Variants in ZC3H3 observed in about 807,000 individuals in gnomAD.
The protein encoded by ZC3H3 is zinc finger CCCH-type containing 3.
In ZC3H3, 36 loss-of-function variants were observed where a neutral mutation model predicts 77.3. The observed-to-expected ratio is 0.47, with a 90% CI of 0.36 to 0.61. The LOEUF (loss-of-function observed/expected upper bound fraction) is 0.61, where lower values mean the gene tolerates loss of function less well. Among genes scored for constraint, ZC3H3 ranks in the 20% least tolerant of loss-of-function variants. ZC3H3 has a pLI of 0.00. For synonymous variants in ZC3H3, 626 were observed against 555.2 expected (o/e 1.13, Z -1.79); for missense variants, 1,331 against 1,312.2 (o/e 1.01, Z -0.22).
chr8:143,523,505 C>T lies in ZC3H3; in HGVS notation c.1561+12752G>A, dbSNP rs181393808. On this transcript the variant is annotated intron_variant, in intron 3 of 11. Coordinates refer to ENST00000262577, the MANE Select transcript of ZC3H3 (RefSeq NM_015117.3). The stretch of plus-strand genomic sequence containing the variant: ...TGCAAGCTCCATGTGGCCCTACAGA[C>T]GGAAGCCACCTCAGGACAACTGCCA... 6.7e-5 allele frequency: 66 copies of T among 985,404 alleles called. 1 individual carries two copies. Among genetic ancestry groups the T allele is most frequent in the Middle Eastern group, 1.0e-3 (2 of 1,914 alleles). The allele number at this position is 985,404 out of a possible 1,614,324, so 61.0% of individuals were successfully genotyped here. A position where few individuals can be genotyped will look rare whatever the true frequency, so the allele number is the denominator to read the frequency against.
chr8:143,537,565 C>T (rs1002783749), intron 2 of ZC3H3, among the ~76,000 whole-genome samples: 7 of 152,232 alleles, frequency 4.6e-5, no homozygotes, highest in Non-Finnish European at 7.4e-5. Flanking sequence ...AGCACAGACC[C>T]GTGGCCGGCA....
chr8:143,518,403 C>T (rs888487275), intron 3 of ZC3H3, among the ~76,000 whole-genome samples: 1 of 152,264 alleles, frequency 6.6e-6, no homozygotes, highest in Non-Finnish European at 1.5e-5. Flanking sequence ...GAATCCTCTT[C>T]TGCTTCCTCT....
intron 3 of ZC3H3, among the ~76,000 whole-genome samples, chr8:143,510,839 C>T (rs755495584): frequency 1.4e-4 from 22 of 152,094 alleles, no homozygotes; most frequent in Non-Finnish European, 2.6e-4. Flanking sequence ...TTTTTTTTCT[C>T]CACGTGATGC....
At chr8:143,498,751 G>A (rs1821428674) in intron 4 of ZC3H3, among the ~76,000 whole-genome samples, 1 of 131,244 alleles carries the variant, frequency 7.6e-6, no homozygotes, top group South Asian at 2.8e-4. Context: ...GGGCGGAGGG[G>A]TACAGGGCGG....
Position 143,440,837 on chromosome 8 carries a change from C to G in ZC3H3, c.2492+99G>C, listed in dbSNP as rs533227344. ...TCTTTCTGGTCTGAGGCCCAAAGAG[C>G]TGGAGTTGGCGGGAGCTCAACCAGA... On this transcript the variant is annotated intron_variant, in intron 10 of 11. Coordinates refer to ENST00000262577, the MANE Select transcript of ZC3H3 (RefSeq NM_015117.3). 8 of 1,250,070 alleles carry G rather than the reference C, an allele frequency of 6.4e-6. No individual in the cohort carries two copies. In the African/African-American group the frequency reaches 7.8e-5, roughly 12 times the overall value. 77.4% of individuals were successfully genotyped at this position (1,250,070 alleles called of 1,614,324 possible).
intron 3 of ZC3H3, among the ~76,000 whole-genome samples, chr8:143,529,506 G>A (rs1822531325): frequency 1.3e-5 from 2 of 152,202 alleles, no homozygotes; most frequent in Admixed American, 1.3e-4. Flanking sequence ...GACCTCTGAG[G>A]ACTCAGAGAG....
intron 5 of ZC3H3, among the ~76,000 whole-genome samples, chr8:143,473,769 C>T (rs2129899785): frequency 6.6e-6 from 1 of 152,340 alleles, no homozygotes; most frequent in South Asian, 2.1e-4. Flanking sequence ...CTGCTGCTGG[C>T]CCCGGGAGCT....
rs551634537 is a variant in ZC3H3 at position 143,518,475 on chromosome 8, C to T, written c.1562-10576G>A. ...TGGCAACACCCTCCACAGAAAGCAG[C>T]GGCCCCTGAGAGAAACGACGTGTCC... is the stretch of plus-strand genomic sequence containing the variant. On this transcript the variant is annotated intron_variant, in intron 3 of 11. Coordinates refer to ENST00000262577, the MANE Select transcript of ZC3H3 (RefSeq NM_015117.3). 2.8e-3 allele frequency among the ~76,000 whole-genome samples: 423 copies of T among 152,388 alleles called. 2 individuals are homozygous for T. The highest frequency in any genetic ancestry group is 9.7e-3 in the African/African-American group (402 of 41,586).
chr8:143,515,396 G>A (rs943910826), intron 3 of ZC3H3, among the ~76,000 whole-genome samples: 1 of 152,230 alleles, frequency 6.6e-6, no homozygotes. Flanking sequence ...CACACAAACC[G>A]GGCCAGTCAT....
intron 11 of ZC3H3, among the ~76,000 whole-genome samples, chr8:143,439,401 G>A (rs561494428): frequency 1.6e-4 from 25 of 152,334 alleles, no homozygotes; most frequent in Non-Finnish European, 3.4e-4. Flanking sequence ...TTTGCAGCCC[G>A]CCGAGCTGCG....
chr8:143,499,239 C>T (rs1438600206), intron 4 of ZC3H3, among the ~76,000 whole-genome samples: 1 of 152,094 alleles, frequency 6.6e-6, no homozygotes, highest in Non-Finnish European at 1.5e-5. Context: ...CGAAGAGAAC[C>T]GCATGTCCTG....
intron 3 of ZC3H3, among the ~76,000 whole-genome samples, chr8:143,534,552 A>G (rs2130508976): frequency 6.6e-6 from 1 of 152,124 alleles, no homozygotes; most frequent in South Asian, 2.1e-4. Context: ...CCCAGTGGGG[A>G]GCCTCTCACC....
At chr8:143,443,821 C>T (rs1819805156) in intron 9 of ZC3H3, among the ~76,000 whole-genome samples, 1 of 152,180 alleles carries the variant, frequency 6.6e-6, no homozygotes, top group African/African-American at 2.4e-5. Context: ...AACGTCATGC[C>T]AGTATGTTTG....
intron 4 of ZC3H3, among the ~76,000 whole-genome samples, chr8:143,483,205 G>A (rs1211609824): frequency 6.6e-6 from 1 of 152,246 alleles, no homozygotes; most frequent in East Asian, 1.9e-4. Context: ...GCCATGACAG[G>A]CACTAAACTG....
chr8:143,504,222 C>T (rs977709341), intron 4 of ZC3H3, among the ~76,000 whole-genome samples: 1 of 152,216 alleles, frequency 6.6e-6, no homozygotes. Flanking sequence ...AGAGGAACTG[C>T]AGAGGGGTCC....
At chr8:143,453,018 A>T (rs1298126546) in intron 9 of ZC3H3, among the ~76,000 whole-genome samples, 1 of 152,234 alleles carries the variant, frequency 6.6e-6, no homozygotes, top group Non-Finnish European at 1.5e-5. Context: ...GACCAAAGAC[A>T]TCTACCCCAG....
chr8:143,513,847 C>T (rs1488232971), intron 3 of ZC3H3, among the ~76,000 whole-genome samples: 1 of 152,230 alleles, frequency 6.6e-6, no homozygotes, highest in African/African-American at 2.4e-5. Context: ...CAGCTCCTCA[C>T]AGCCTTTGCT....
chr8:143,473,991 G>C (rs1467696230), intron 5 of ZC3H3, among the ~76,000 whole-genome samples: 1 of 152,152 alleles, frequency 6.6e-6, no homozygotes, highest in Non-Finnish European at 1.5e-5. Flanking sequence ...GAGGATCAGA[G>C]GTAACCAGAG....
intron 4 of ZC3H3, among the ~76,000 whole-genome samples, chr8:143,506,530 G>A (rs1023323953): frequency 1.3e-4 from 20 of 152,096 alleles, no homozygotes; most frequent in African/African-American, 3.9e-4. Flanking sequence ...GAAATAGCAG[G>A]TGTAAATTTA....
Sources: gnomAD v4.1 joint callset for allele counts (sites outside exome capture counted in the v4.1 genomes callset) on GRCh38, gnomAD v4.1.1 for gene constraint, MANE v1.5 for transcripts, NCBI Gene and HGNC (gene_info 2026-07-23, HGNC 2026-07-21) for gene names.